The following USP26 variants were observed in gnomAD, a reference collection of about 807,000 sequenced individuals.
USP26 encodes the protein ubiquitin carboxyl-terminal hydrolase 26.
For missense variants in USP26, 649 were observed against 642.3 expected (o/e 1.01, Z -0.11); for synonymous variants, 236 against 240.6 (o/e 0.98, Z 0.18).
chrX:133,036,017 C>T (rs1436365880), intron 5 of USP26, among the ~76,000 whole-genome samples: 1 of 110,036 alleles, frequency 9.1e-6, no homozygotes, highest in East Asian at 2.9e-4. Context: ...AAATGTGGGC[C>T]GAGACAGGAG....
At position 133,026,648 on chromosome X, in the gene USP26, T is replaced by G; in HGVS notation, c.1573A>C (p.Ser525Arg). ...TTTAATGCACAAAACTCATTCAAGC[T>G]ATAGCGTTTGAGGTGAACAATAAGG... ...RILIVHLKRY[S>R]LNEFCALKKN... The change falls in exon 6 of 6, where the codon AGC (serine) becomes CGC (arginine). Residue 525 changes from serine to arginine, a missense_variant. Ser to Arg is a moderately radical substitution (Grantham distance 110). Transcript: ENST00000511190. The G allele has an allele frequency of 8.3e-7, 1 of 1,208,892 alleles. No individual in the cohort carries two copies. Among genetic ancestry groups the G allele is most frequent in the Non-Finnish European group, 1.1e-6 (1 of 894,223 alleles).
At chrX:133,075,925 C>T (rs1292752501) in intron 5 of USP26, among the ~76,000 whole-genome samples, 2 of 111,430 alleles carry the variant, frequency 1.8e-5, no homozygotes, top group African/African-American at 6.5e-5. Context: ...CTATTAAATC[C>T]TTTGTGAAAT....
At chrX:133,041,051 T>C (rs757644014) in intron 5 of USP26, among the ~76,000 whole-genome samples, 3 of 110,632 alleles carry the variant, frequency 2.7e-5, no homozygotes, top group African/African-American at 9.9e-5. Flanking sequence ...GGGTAATTTA[T>C]GTTCTTCTCT....
At chrX:133,057,857 TA>T (rs1245033251) in intron 5 of USP26, among the ~76,000 whole-genome samples, 47 of 23,769 alleles carry the variant, frequency 2.0e-3, no homozygotes, top group Non-Finnish European at 2.5e-3. Context: ...TATATATATA[TA>T]TATATATATT....
chrX:133,077,448 G>A (rs1232811968), intron 5 of USP26, among the ~76,000 whole-genome samples: 1 of 111,873 alleles, frequency 8.9e-6, no homozygotes, highest in African/African-American at 3.2e-5. Flanking sequence ...TGTAGCTGCA[G>A]CTAACTAGTG....
At chrX:133,044,511 T>C (rs1470255849) in intron 5 of USP26, among the ~76,000 whole-genome samples, 6 of 113,354 alleles carry the variant, frequency 5.3e-5, no homozygotes, top group Non-Finnish European at 1.1e-4. Flanking sequence ...GTGAGGGGCT[T>C]AGCACCTGGA....
intron 5 of USP26, among the ~76,000 whole-genome samples, chrX:133,042,524 C>T (rs890128062): frequency 1.8e-5 from 2 of 111,376 alleles, no homozygotes; most frequent in African/African-American, 6.5e-5. Flanking sequence ...GTGGGTTGCA[C>T]CCACTGCCTA....
chrX:133,065,283 G>A (rs1300116048), intron 5 of USP26, among the ~76,000 whole-genome samples: 1 of 111,249 alleles, frequency 9.0e-6, no homozygotes, highest in East Asian at 2.8e-4. Flanking sequence ...ATTCACAGCC[G>A]AATTCTACCA....
intron 1 of USP26, among the ~76,000 whole-genome samples, chrX:133,093,723 A>G (rs1239017751): frequency 1.8e-5 from 2 of 111,058 alleles, no homozygotes; most frequent in Non-Finnish European, 3.8e-5. Flanking sequence ...GCTCACGTCT[A>G]TAATCTGAGC....
intron 5 of USP26, among the ~76,000 whole-genome samples, chrX:133,044,469 G>A (rs1324279351): frequency 8.8e-6 from 1 of 113,473 alleles, no homozygotes; most frequent in African/African-American, 3.2e-5. Flanking sequence ...CCTGCACTCA[G>A]AGTGGCTGGC....
chrX:133,028,752 T>C (rs2067365525), intron 5 of USP26, among the ~76,000 whole-genome samples: 1 of 111,759 alleles, frequency 8.9e-6, no homozygotes, highest in African/African-American at 3.2e-5. Flanking sequence ...GCAACTACAA[T>C]AAGTGAATGA....
intron 5 of USP26, among the ~76,000 whole-genome samples, chrX:133,039,877 G>C (rs941645417): frequency 9.0e-6 from 1 of 111,727 alleles, no homozygotes; most frequent in African/African-American, 3.3e-5. Flanking sequence ...GGGTGCTCCT[G>C]TATCGGGTGC....
At chrX:133,041,581 G>T (rs1337116082) in intron 5 of USP26, among the ~76,000 whole-genome samples, 1 of 111,992 alleles carries the variant, frequency 8.9e-6, no homozygotes, top group Non-Finnish European at 1.9e-5. Flanking sequence ...CATCCCAGAG[G>T]TGCACCAGCC....
intron 5 of USP26, among the ~76,000 whole-genome samples, chrX:133,055,296 A>G (rs1235510709): frequency 1.8e-5 from 2 of 111,672 alleles, no homozygotes; most frequent in African/African-American, 6.5e-5. Flanking sequence ...TGCCAATGAG[A>G]TTAGAGCTTC....
Position 133,026,835 on chromosome X carries a change from A to G in USP26, c.1386T>C (p.Asn462=), listed in dbSNP as rs1331043575. The G allele has an allele frequency of 1.5e-5, 18 of 1,211,185 alleles. No individual in the cohort carries two copies. The highest frequency in any genetic ancestry group is 2.0e-5 in the Non-Finnish European group (18 of 895,088). ...TTTGGGGAAGGTTGATGGAGAGGTA[A>G]TTATTCAGTTCTGTCTTGAGAATAA... ...GQVILKTELN[N]YLSINLPQRI... The change falls in exon 6 of 6, where the codon AAT becomes AAC. Residue 462 remains asparagine, a synonymous_variant. Transcript: ENST00000511190.
At chrX:133,088,052 C>T (rs141534044) in intron 4 of USP26, among the ~76,000 whole-genome samples, 3,718 of 111,612 alleles carry the variant, frequency 0.033, 69 homozygotes, top group Non-Finnish European at 0.053. Flanking sequence ...TGCCTCTAGT[C>T]CTAGCTACTC....
intron 5 of USP26, among the ~76,000 whole-genome samples, chrX:133,078,421 A>C (rs1360075161): frequency 8.9e-6 from 1 of 111,915 alleles, no homozygotes; most frequent in Non-Finnish European, 1.9e-5. Context: ...TCTCTTGATT[A>C]GTCACTTTCT....
At chrX:133,043,033 T>C (rs943643919) in intron 5 of USP26, among the ~76,000 whole-genome samples, 9 of 111,366 alleles carry the variant, frequency 8.1e-5, no homozygotes, top group Non-Finnish European at 1.5e-4. Context: ...GCAGAGTTAG[T>C]TTGGTGTCAA....
intron 5 of USP26, among the ~76,000 whole-genome samples, chrX:133,047,075 A>AT (rs2067443344): frequency 8.9e-6 from 1 of 112,070 alleles, no homozygotes; most frequent in African/African-American, 3.2e-5. Flanking sequence ...TTAAACCTCA[A>AT]CCAATGACTC....
Sources: allele counts gnomAD v4.1 joint callset (sites outside exome capture counted in the v4.1 genomes callset), GRCh38; gene constraint gnomAD v4.1.1; transcripts MANE v1.5; gene names NCBI Gene and HGNC (gene_info 2026-07-23, HGNC 2026-07-21).